PLCB4: variants seen among roughly 807,000 people sequenced by gnomAD.
PLCB4 encodes phospholipase C beta 4.
PLCB4 carries 77 observed loss-of-function variants against 178.8 expected under a neutral mutation model. That is an observed-to-expected ratio of 0.43 (90% CI 0.36 to 0.52). The LOEUF (loss-of-function observed/expected upper bound fraction) is 0.52, where lower values mean the gene tolerates loss of function less well. Among genes scored for constraint, PLCB4 ranks in the 20% least tolerant of loss-of-function variants. The pLI, the probability that PLCB4 is intolerant of heterozygous loss-of-function variation, is 0.00. For missense variants in PLCB4, 1,024 were observed against 1,453.4 expected, an observed-to-expected ratio of 0.70 and a Z score of 4.80; for synonymous variants, 496 against 490.8, an observed-to-expected ratio of 1.01 and a Z score of -0.14.
intron 2 of PLCB4, among the ~76,000 whole-genome samples, chr20:9,097,194 G>A (rs529686417): frequency 1.3e-5 from 2 of 148,390 alleles, no homozygotes; most frequent in South Asian, 2.1e-4. Context: ...CCCGGCCTCC[G>A]AAAGTGCTGG....
intron 2 of PLCB4, among the ~76,000 whole-genome samples, chr20:9,178,628 T>C (rs1010169595): frequency 6.6e-6 from 1 of 151,644 alleles, no homozygotes; most frequent in African/African-American, 2.4e-5. Flanking sequence ...ATATTTATGA[T>C]ATTTATGTGG....
At chr20:9,182,983 C>T (rs1353076845) in intron 2 of PLCB4, among the ~76,000 whole-genome samples, 3 of 152,134 alleles carry the variant, frequency 2.0e-5, no homozygotes, top group Non-Finnish European at 4.4e-5. Context: ...CAGGATTCAA[C>T]GTGTCTTTCT....
chr20:9,265,525 C>G (rs1179425602), intron 3 of PLCB4, among the ~76,000 whole-genome samples: 1 of 151,950 alleles, frequency 6.6e-6, no homozygotes, highest in Non-Finnish European at 1.5e-5. Context: ...CAACCGATGA[C>G]CAGCAGTTAT....
chr20:9,468,436 A>G (rs543810036), intron 35 of PLCB4, 135 bp from the exon 36 acceptor site: 7 of 646,968 alleles, frequency 1.1e-5, no homozygotes, highest in Admixed American at 4.7e-5. Context: ...CATTAAGTAC[A>G]TTCACTTTGT....
chr20:9,110,819 AT>A lies in PLCB4; in HGVS notation c.-79+14485del, dbSNP rs1406468366. Among the ~76,000 whole-genome samples, 10 of 151,918 alleles carry A rather than the reference AT, an allele frequency of 6.6e-5. No homozygotes were observed. The South Asian group carries it at 8.3e-4, about 13-fold the overall frequency. ...CCCTTTAGGCATCGTAAAATACTGT[AT>A]TTTTTTTCATAATCATGAAGGTAAT... On this transcript the variant is annotated intron_variant, in intron 2 of 39. Coordinates refer to ENST00000378473, the MANE Select transcript of PLCB4 (RefSeq NM_001377142.1).
chr20:9,469,820 A>G (rs1397998328), intron 36 of PLCB4, among the ~76,000 whole-genome samples: 15 of 152,192 alleles, frequency 9.9e-5, no homozygotes, highest in Non-Finnish European at 5.9e-5. Flanking sequence ...AGCTGTCAAT[A>G]GTCATGTTAC....
intron 27 of PLCB4, among the ~76,000 whole-genome samples, chr20:9,422,647 G>A (rs1337804668): frequency 2.6e-5 from 4 of 152,188 alleles, no homozygotes; most frequent in Non-Finnish European, 4.4e-5. Flanking sequence ...CACTAGAAAC[G>A]AGATGCCAAT....
intron 2 of PLCB4, among the ~76,000 whole-genome samples, chr20:9,187,343 C>A (rs1469597840): frequency 6.6e-6 from 1 of 152,144 alleles, no homozygotes; most frequent in African/African-American, 2.4e-5. Context: ...AACACCAGCA[C>A]CACTTCCTGC....
intron 35 of PLCB4, among the ~76,000 whole-genome samples, chr20:9,465,098 C>T (rs941653317): frequency 8.5e-5 from 13 of 152,168 alleles, no homozygotes; most frequent in South Asian, 2.1e-4. Context: ...ATGATCATGT[C>T]GGCTTCATCC....
intron 2 of PLCB4, among the ~76,000 whole-genome samples, chr20:9,203,056 A>AAAATATATATATATATATATAT (rs769628056): frequency 2.7e-4 from 34 of 126,130 alleles, no homozygotes; most frequent in African/African-American, 1.1e-3. Flanking sequence ...AAAAAAAAAA[A>AAAATATATATATATATATATAT]ATATATATAT....
At chr20:9,091,269 C>T (rs2090668010) in intron 1 of PLCB4, among the ~76,000 whole-genome samples, 1 of 151,752 alleles carries the variant, frequency 6.6e-6, no homozygotes, top group Non-Finnish European at 1.5e-5. Flanking sequence ...GTCTCGACAA[C>T]TGTAAAATGA....
intron 2 of PLCB4, among the ~76,000 whole-genome samples, chr20:9,097,985 G>C (rs543386317): frequency 1.3e-5 from 2 of 152,316 alleles, no homozygotes; most frequent in Admixed American, 1.3e-4. Flanking sequence ...AACCCTATGA[G>C]AGTATGCTAG....
intron 2 of PLCB4, among the ~76,000 whole-genome samples, chr20:9,180,462 G>A (rs111441985): frequency 1.5e-3 from 226 of 152,286 alleles, no homozygotes; most frequent in Middle Eastern, 6.8e-3. Flanking sequence ...GTGATCATAT[G>A]GGATTGGTCT....
intron 2 of PLCB4, among the ~76,000 whole-genome samples, chr20:9,144,707 A>G (rs1279729707): frequency 1.7e-5 from 1 of 58,458 alleles, no homozygotes; most frequent in African/African-American, 8.6e-5. Context: ...GAAGGAGGGG[A>G]AGAAGGGGAA....
Position 9,431,799 on chromosome 20 carries a change from C to T in PLCB4, c.2525-3761C>T, listed in dbSNP as rs191516727. Among the ~76,000 whole-genome samples, 255 of 152,142 alleles carry T rather than the reference C, an allele frequency of 1.7e-3. 2 individuals are homozygous for T. The South Asian group carries it at 0.022, about 13-fold the overall frequency. ...TACTGGGATTACAGGCATGAGCCAC[C>T]GTGACCGGCCTCCGCTTTATTTTCT... is the stretch of plus-strand genomic sequence containing the variant. On this transcript the variant is annotated intron_variant, in intron 28 of 39. Transcript: ENST00000378473.
At chr20:9,113,403 C>T (rs1018667760) in intron 2 of PLCB4, among the ~76,000 whole-genome samples, 4 of 152,042 alleles carry the variant, frequency 2.6e-5, no homozygotes, top group Admixed American at 6.6e-5. Context: ...GAAGTGCCCG[C>T]GGGATGTGTA....
rs1249264545 is a variant in PLCB4, at chr20:9,453,475, A to G, written c.2996+13A>G. On this transcript the variant is annotated intron_variant, in intron 33 of 39. Transcript: ENST00000378473. ...TGAAGAAGAAGGGGTAATACTGTTT[A>G]TTTCCTTCTGAAGACTTTCTCTATG... 1 of 1,408,338 alleles carries G rather than the reference A, an allele frequency of 7.1e-7. No individual in the cohort carries two copies. Among genetic ancestry groups the G allele is most frequent in the African/African-American group, 1.4e-5 (1 of 70,742 alleles). 87.2% of individuals were successfully genotyped at this position (1,408,338 alleles called of 1,614,324 possible).
chr20:9,473,394 G>A (rs1480806081), intron 38 of PLCB4, 29 bp downstream of exon 38: 3 of 1,326,940 alleles, frequency 2.3e-6, no homozygotes, highest in South Asian at 2.5e-5. Flanking sequence ...GTAAAAACAT[G>A]CAGGCAGCTA....
chr20:9,462,322 A>G (rs2043454416), intron 35 of PLCB4, among the ~76,000 whole-genome samples: 1 of 152,226 alleles, frequency 6.6e-6, no homozygotes, highest in Admixed American at 6.5e-5. Flanking sequence ...CCAGAGCAGA[A>G]ATGTTGAAAA....
Sources: allele counts gnomAD v4.1 joint callset (sites outside exome capture counted in the v4.1 genomes callset), GRCh38; gene constraint gnomAD v4.1.1; transcripts MANE v1.5; gene names NCBI Gene and HGNC (gene_info 2026-07-23, HGNC 2026-07-21).